The following SCYL3 variants were observed in gnomAD, a reference collection of about 807,000 sequenced individuals.
The protein encoded by SCYL3 is SCY1 like pseudokinase 3.
Under a neutral mutation model 73.8 loss-of-function variants are expected in SCYL3, and 35 were observed. The observed-to-expected ratio is 0.47, with a 90% CI of 0.36 to 0.63. The LOEUF is 0.63. Among genes scored for constraint, SCYL3 ranks in the 20% least tolerant of loss-of-function variants. The probability of loss-of-function intolerance (pLI) is 0.00; values close to 1 mark genes in which losing one functional copy is unlikely to be tolerated. For synonymous variants in SCYL3, 277 were observed against 295.2 expected, an observed-to-expected ratio of 0.94 and a Z score of 0.63; for missense variants, 712 against 798.9, an observed-to-expected ratio of 0.89 and a Z score of 1.31.
chr1:169,856,092 A>G, intron 11 of SCYL3: 1 of 754,898 alleles, frequency 1.3e-6, no homozygotes, highest in Admixed American at 2.9e-5. Flanking sequence ...AGGAGAGAAC[A>G]TCTTCAAACA....
Position 169,854,732 on chromosome 1 carries a change from A to AGAT in SCYL3, c.1542_1544dup (p.Ser515dup). 1.9e-6 allele frequency: 3 copies of AGAT among 1,613,996 alleles called. No homozygotes were observed. Among genetic ancestry groups the AGAT allele is most frequent in the Non-Finnish European group, 2.5e-6 (3 of 1,179,868 alleles). ...AGCTGCTGGGCTCGCAGTCATCCCA[A>AGAT]GATGACTCTTCCACATCCAAGGTAG... On this transcript the variant is annotated inframe_insertion, in exon 12 of 13. Coordinates refer to ENST00000367771, the MANE Select transcript of SCYL3 (RefSeq NM_020423.7).
rs115919984 is a variant in SCYL3, at chr1:169,851,499, A to G, written c.*2214T>C. ...AGGCATGAGCCACCACACTTGGCCT[A>G]CTTATATTACATCTAAGCTGGATTT... On this transcript the variant is annotated 3_prime_UTR_variant, in exon 13 of 13. Coordinates refer to ENST00000367771, the MANE Select transcript of SCYL3 (RefSeq NM_020423.7). 1,072 of 225,246 alleles carry G rather than the reference A, an allele frequency of 4.8e-3. 12 individuals are homozygous for G. The highest frequency in any genetic ancestry group is 0.023 in the African/African-American group (1,000 of 43,488). The allele number at this position is 225,246 out of a possible 1,614,324, so 14.0% of individuals were successfully genotyped here. A position where few individuals can be genotyped will look rare whatever the true frequency, so the allele number is the denominator to read the frequency against.
At position 169,854,796 on chromosome 1, in the gene SCYL3, C is replaced by CAAATCTGTATGTTGACA; in HGVS notation, c.1464_1480dup (p.Trp494LeufsTer37). On this transcript the variant is annotated frameshift_variant, in exon 12 of 13. Coordinates refer to ENST00000367771, the MANE Select transcript of SCYL3 (RefSeq NM_020423.7). LOFTEE classifies it high-confidence loss of function. ...GACATCATCACAAGGTTCTCTAGGC[C>CAAATCTGTATGTTGACA]AAATCTGTATGTTGACAGTTTGATT... 6.2e-7 allele frequency: 1 copy of CAAATCTGTATGTTGACA among 1,613,950 alleles called. No individual in the cohort carries two copies. The highest frequency in any genetic ancestry group is 8.5e-7 in the Non-Finnish European group (1 of 1,179,918).
At chr1:169,856,572 TCAG>T (rs926251441) in intron 11 of SCYL3, among the ~76,000 whole-genome samples, 10 of 152,082 alleles carry the variant, frequency 6.6e-5, no homozygotes, top group African/African-American at 2.4e-4. Flanking sequence ...CCAGCTCTCT[TCAG>T]CACCACATCT....
At chr1:169,879,496 C>T (rs77592939) in intron 2 of SCYL3, among the ~76,000 whole-genome samples, 1,939 of 152,270 alleles carry the variant, frequency 0.013, 47 homozygotes, top group African/African-American at 0.044. Context: ...AGACAGGTTG[C>T]AAATACCATT....
At chr1:169,885,600 C>CT (rs763879073) in intron 2 of SCYL3, among the ~76,000 whole-genome samples, 191 of 147,584 alleles carry the variant, frequency 1.3e-3, no homozygotes, top group African/African-American at 4.1e-3. Flanking sequence ...AATGCAGATG[C>CT]TTTTTTTTTT....
chr1:169,860,779 C>T (rs1659580071), intron 10 of SCYL3, among the ~76,000 whole-genome samples: 1 of 152,208 alleles, frequency 6.6e-6, no homozygotes, highest in African/African-American at 2.4e-5. Context: ...TTCTGTGTCC[C>T]TCTACTATAT....
intron 2 of SCYL3, among the ~76,000 whole-genome samples, chr1:169,882,547 T>A (rs1558142321): frequency 6.6e-6 from 1 of 152,212 alleles, no homozygotes; most frequent in Non-Finnish European, 1.5e-5. Flanking sequence ...CAGTGCGGGA[T>A]CCACTGGGTG....
rs1285856034 is a variant in SCYL3 at position 169,851,879 on chromosome 1, T to C, written c.*1834A>G. 1 of 1,614,040 alleles carries C rather than the reference T, an allele frequency of 6.2e-7. No individual in the cohort carries two copies. ...AACGTGTGAAACAGGAAAAAGGTAT[T>C]TTCTGGGAACCCTTTGCTAATGTGA... On this transcript the variant is annotated 3_prime_UTR_variant, in exon 13 of 13. Transcript: ENST00000367771.
At position 169,853,295 on chromosome 1, in the gene SCYL3, T is replaced by C; in HGVS notation, c.*418A>G. The C allele has an allele frequency of 2.9e-6, 1 of 350,618 alleles. No homozygotes were observed. The highest frequency in any genetic ancestry group is 4.3e-5 in the Admixed American group (1 of 23,070). The allele number at this position is 350,618 out of a possible 1,614,324, so 21.7% of individuals were successfully genotyped here. A position where few individuals can be genotyped will look rare whatever the true frequency, so the allele number is the denominator to read the frequency against. On this transcript the variant is annotated 3_prime_UTR_variant, in exon 13 of 13. Coordinates refer to ENST00000367771, the MANE Select transcript of SCYL3 (RefSeq NM_020423.7). The stretch of plus-strand genomic sequence containing the variant: ...GCAATTTAAAATCATTTATATAATT[T>C]ATAGCTAAAATTTTTTAAAGTTGTA...
intron 7 of SCYL3, 23 bp from the exon 8 acceptor site, chr1:169,866,996 A>C: frequency 1.5e-6 from 2 of 1,338,104 alleles, no homozygotes; most frequent in Non-Finnish European, 2.1e-6. Context: ...AAGAGAAGGA[A>C]TTCAGCAGAA....
At chr1:169,884,545 A>C (rs1018361679) in intron 2 of SCYL3, among the ~76,000 whole-genome samples, 2 of 152,090 alleles carry the variant, frequency 1.3e-5, no homozygotes, top group African/African-American at 4.8e-5. Context: ...TGATCCACCT[A>C]CCTCGGCCTC....
chr1:169,867,719 G>GT (rs1660132718), intron 7 of SCYL3, among the ~76,000 whole-genome samples: 1 of 152,244 alleles, frequency 6.6e-6, no homozygotes, highest in South Asian at 2.1e-4. Flanking sequence ...AGCTGCCTCT[G>GT]TAAGAGATGC....
At position 169,854,851 on chromosome 1, in the gene SCYL3, G is replaced by A. The variant is rs1558114468; in HGVS notation, c.1426C>T (p.Pro476Ser). The change falls in exon 12 of 13, where the codon CCT becomes TCT. Residue 476 changes from proline to serine, a missense_variant. Pro to Ser is a moderately conservative substitution (Grantham distance 74). Coordinates refer to ENST00000367771, the MANE Select transcript of SCYL3 (RefSeq NM_020423.7). Reference protein sequence around the residue: ...PSSSKKSEEWPDWSEPEEPEN... With the variant: ...PSSSKKSEEWSDWSEPEEPEN... ...GGCTCCTCAGGTTCACTCCAGTCAG[G>A]CCACTCCTCAGACTTTTTAGAACTT... 5 of 1,613,982 alleles carry A rather than the reference G, an allele frequency of 3.1e-6. No individual in the cohort carries two copies. The highest frequency in any genetic ancestry group is 4.2e-6 in the Non-Finnish European group (5 of 1,179,918).
intron 11 of SCYL3, among the ~76,000 whole-genome samples, chr1:169,858,436 C>T (rs1659360907): frequency 6.6e-6 from 1 of 152,192 alleles, no homozygotes; most frequent in South Asian, 2.1e-4. Context: ...ATGCCTTCTT[C>T]TGGAATACCT....
intron 11 of SCYL3, 65 bp downstream of exon 11, chr1:169,858,976 C>G: frequency 7.0e-7 from 1 of 1,418,556 alleles, no homozygotes; most frequent in Non-Finnish European, 9.8e-7. Flanking sequence ...TCCTACATTA[C>G]TTATATAATA....
At position 169,883,931 on chromosome 1, in the gene SCYL3, AGGCT is replaced by A. The variant is rs1326112592; in HGVS notation, c.165+4741_165+4744del. 2.6e-5 allele frequency among the ~76,000 whole-genome samples: 4 copies of A among 152,064 alleles called. No homozygotes were observed. In the South Asian group the frequency reaches 8.3e-4, roughly 32 times the overall value. On this transcript the variant is annotated intron_variant, in intron 2 of 12. Coordinates refer to ENST00000367771, the MANE Select transcript of SCYL3 (RefSeq NM_020423.7). ...GAGATGGGGTTTCACTATGTTGGCC[AGGCT>A]GGTCTTGAACTCCTGACCTTGTGAT...
Position 169,851,327 on chromosome 1 carries a change from A to G in SCYL3, c.*2386T>C, listed in dbSNP as rs1658294228. 6.6e-6 allele frequency: 1 copy of G among 152,316 alleles called. No individual in the cohort carries two copies. Among genetic ancestry groups the G allele is most frequent in the African/African-American group, 2.4e-5 (1 of 41,300 alleles). 9.4% of individuals were successfully genotyped at this position (152,316 alleles called of 1,614,324 possible). On this transcript the variant is annotated 3_prime_UTR_variant, in exon 13 of 13. Coordinates refer to ENST00000367771, the MANE Select transcript of SCYL3 (RefSeq NM_020423.7). ...ATTACATATATATTTTTTTAGGTGA[A>G]ATGGGCCCACTTGACTCACTGAACT...
Position 169,852,844 on chromosome 1 carries a change from G to A in SCYL3, c.*869C>T. 1 of 1,614,160 alleles carries A rather than the reference G, an allele frequency of 6.2e-7. No homozygotes were observed. Among genetic ancestry groups the A allele is most frequent in the South Asian group, 1.1e-5 (1 of 91,088 alleles). On this transcript the variant is annotated 3_prime_UTR_variant, in exon 13 of 13. Coordinates refer to ENST00000367771, the MANE Select transcript of SCYL3 (RefSeq NM_020423.7). ...CCCCTGGGAAGAAGAGTACAGGTCAGCGCTGCATACAATAGCAGGGGCTTT... is the reference window on the plus strand; with the variant it reads ...CCCCTGGGAAGAAGAGTACAGGTCAACGCTGCATACAATAGCAGGGGCTTT...
Sources: allele counts gnomAD v4.1 joint callset (sites outside exome capture counted in the v4.1 genomes callset), GRCh38; gene constraint gnomAD v4.1.1; transcripts MANE v1.5; gene names NCBI Gene and HGNC (gene_info 2026-07-23, HGNC 2026-07-21).